Variants in BLOC1S5 observed in about 807,000 individuals in gnomAD.
The protein encoded by BLOC1S5 is biogenesis of lysosome-related organelles complex 1 subunit 5.
Under a neutral mutation model 24.3 loss-of-function variants are expected in BLOC1S5, and 27 were observed. The observed-to-expected ratio is 1.11, with a 90% CI of 0.82 to 1.53. The LOEUF (loss-of-function observed/expected upper bound fraction) is 1.53. Among genes scored for constraint, BLOC1S5 ranks in the 40% most tolerant of loss-of-function variants. BLOC1S5 has a pLI of 0.00. For missense variants in BLOC1S5, 239 were observed against 229.4 expected (o/e 1.04, Z -0.27); for synonymous variants, 84 against 74.5 (o/e 1.13, Z -0.66).
rs373432019 is a variant in BLOC1S5, at chr6:8,034,801, GA to G, written c.325+6337del. On this transcript the variant is annotated intron_variant, in intron 3 of 4. Coordinates refer to ENST00000397457, the MANE Select transcript of BLOC1S5 (RefSeq NM_201280.3). Reference sequence around the variant, plus strand: ...AATCCCACTACTGGGTATCTACCCAGAGGAAAAGAAGTCATTATATGAAAAA... The same window carrying G: ...AATCCCACTACTGGGTATCTACCCAGGGAAAAGAAGTCATTATATGAAAAA... Among the ~76,000 whole-genome samples, 9 of 152,220 alleles carry G rather than the reference GA, an allele frequency of 5.9e-5. No individual in the cohort carries two copies. In the South Asian group the frequency reaches 1.9e-3, roughly 32 times the overall value.
chr6:8,045,164 A>G (rs1763836705), intron 2 of BLOC1S5, among the ~76,000 whole-genome samples: 1 of 152,218 alleles, frequency 6.6e-6, no homozygotes, highest in African/African-American at 2.4e-5. Context: ...CCCATGTCCC[A>G]GCCACTCCAG....
chr6:8,059,896 T>C (rs975713225), intron 2 of BLOC1S5, among the ~76,000 whole-genome samples: 3 of 152,246 alleles, frequency 2.0e-5, no homozygotes, highest in Non-Finnish European at 4.4e-5. Flanking sequence ...AAGACCATTC[T>C]TCAAAGCACC....
At position 8,015,528 on chromosome 6, in the gene BLOC1S5, TAA is replaced by T. The variant is rs1376620516; in HGVS notation, c.*119_*120del. 2.0e-6 allele frequency: 2 copies of T among 993,370 alleles called. No homozygotes were observed. The highest frequency in any genetic ancestry group is 1.6e-5 in the African/African-American group (1 of 61,320). 61.5% of individuals were successfully genotyped at this position (993,370 alleles called of 1,614,324 possible). A position where few individuals can be genotyped will look rare whatever the true frequency, so the allele number is the denominator to read the frequency against. ...CAGTAGAAACTTCTTTCTTCTGATA[TAA>T]GAGTGCCACTGAATATATTGCTAAG... is the stretch of plus-strand genomic sequence containing the variant. On this transcript the variant is annotated 3_prime_UTR_variant, in exon 5 of 5. Coordinates refer to ENST00000397457, the MANE Select transcript of BLOC1S5 (RefSeq NM_201280.3).
intron 2 of BLOC1S5, among the ~76,000 whole-genome samples, chr6:8,049,181 G>C (rs2113583477): frequency 6.6e-6 from 1 of 151,920 alleles, no homozygotes; most frequent in Middle Eastern, 3.4e-3. Context: ...GACCAGCCTG[G>C]CCAACATGGT....
intron 3 of BLOC1S5, among the ~76,000 whole-genome samples, chr6:8,027,555 C>T (rs7740340): frequency 0.039 from 5,960 of 152,212 alleles, 371 homozygotes; most frequent in African/African-American, 0.13. Flanking sequence ...GCAGTCAGGC[C>T]GGGCACGGTG....
At position 8,049,798 on chromosome 6, in the gene BLOC1S5, G is replaced by A. The variant is rs569417055; in HGVS notation, c.196-8530C>T. ...GTGATTCTGGCTCATTGCAACCTCCGCTTCCTGGGCTCAAGCGATCCTCCC... is the reference window on the plus strand; with the variant it reads ...GTGATTCTGGCTCATTGCAACCTCCACTTCCTGGGCTCAAGCGATCCTCCC... On this transcript the variant is annotated intron_variant, in intron 2 of 4. Coordinates refer to ENST00000397457, the MANE Select transcript of BLOC1S5 (RefSeq NM_201280.3). Among the ~76,000 whole-genome samples, 15 of 151,680 alleles carry A rather than the reference G, an allele frequency of 9.9e-5. No homozygotes were observed. In the East Asian group the frequency reaches 1.6e-3, roughly 16 times the overall value.
chr6:8,063,721 G>A (rs1757339731), intron 1 of BLOC1S5, among the ~76,000 whole-genome samples: 1 of 152,166 alleles, frequency 6.6e-6, no homozygotes, highest in Admixed American at 6.5e-5. Flanking sequence ...AGCAGATTCT[G>A]TGAGAATCTA....
In BLOC1S5 at chr6:8,026,403, G is replaced by A. The variant is rs1345888547; in HGVS notation, c.348C>T (p.Val116=). ...LQRLQAANDS[V]CRLQQREQER... is the part of the protein sequence containing the mutation. ...CCTGTTCCCTCTGTTGGAGTCTACA[G>A]ACTGAGTCATTAGCTGCTTGCACTG... Residue 116 remains valine, a synonymous_variant, in exon 4 of 5, where the codon GTC becomes GTT. Coordinates refer to ENST00000397457, the MANE Select transcript of BLOC1S5 (RefSeq NM_201280.3). 1 of 1,613,354 alleles carries A rather than the reference G, an allele frequency of 6.2e-7. No homozygotes were observed. The highest frequency in any genetic ancestry group is 8.5e-7 in the Non-Finnish European group (1 of 1,179,742).
chr6:8,027,855 A>G (rs1763162958), intron 3 of BLOC1S5, among the ~76,000 whole-genome samples: 1 of 152,094 alleles, frequency 6.6e-6, no homozygotes, highest in Admixed American at 6.5e-5. Context: ...TAAGCAATCA[A>G]GAACTGCTCA....
At chr6:8,039,910 T>C (rs1763620342) in intron 3 of BLOC1S5, among the ~76,000 whole-genome samples, 1 of 152,222 alleles carries the variant, frequency 6.6e-6, no homozygotes, top group Non-Finnish European at 1.5e-5. Flanking sequence ...GGCGTGATTC[T>C]GTATAAGCTC....
chr6:8,015,471 G>T lies in BLOC1S5; in HGVS notation c.*178C>A. 1 of 591,270 alleles carries T rather than the reference G, an allele frequency of 1.7e-6. No individual in the cohort carries two copies. The highest frequency in any genetic ancestry group is 2.8e-6 in the Non-Finnish European group (1 of 354,356). The allele number at this position is 591,270 out of a possible 1,614,324, so 36.6% of individuals were successfully genotyped here. A position where few individuals can be genotyped will look rare whatever the true frequency, so the allele number is the denominator to read the frequency against. ...TAGGCACTTAAAGCTGGAAAAATGTGGCACCCTTCTTTAAATATCCAATCA... is the reference window on the plus strand; with the variant it reads ...TAGGCACTTAAAGCTGGAAAAATGTTGCACCCTTCTTTAAATATCCAATCA... On this transcript the variant is annotated 3_prime_UTR_variant, in exon 5 of 5. Transcript: ENST00000397457.
intron 2 of BLOC1S5, among the ~76,000 whole-genome samples, chr6:8,058,704 A>C (rs115190737): frequency 1.3e-5 from 2 of 152,200 alleles, no homozygotes; most frequent in East Asian, 1.9e-4. Flanking sequence ...CAAAACAAAA[A>C]AAATGCCACC....
At chr6:8,049,956 C>T (rs1293216743) in intron 2 of BLOC1S5, among the ~76,000 whole-genome samples, 1 of 152,158 alleles carries the variant, frequency 6.6e-6, no homozygotes, top group Non-Finnish European at 1.5e-5. Context: ...AAGCGATCCA[C>T]CCACCTCAGC....
chr6:8,019,690 C>T (rs1935417991), intron 4 of BLOC1S5, among the ~76,000 whole-genome samples: 2 of 151,386 alleles, frequency 1.3e-5, no homozygotes, highest in South Asian at 4.2e-4. Flanking sequence ...CTGGAAATAA[C>T]ATTTATCTGA....
intron 4 of BLOC1S5, among the ~76,000 whole-genome samples, chr6:8,025,763 TTAA>T (rs1028319944): frequency 6.6e-6 from 1 of 152,190 alleles, no homozygotes; most frequent in African/African-American, 2.4e-5. Context: ...TCAATGTTTC[TTAA>T]TAAGTGTAAG....
At chr6:8,021,571 C>A (rs2113516839) in intron 4 of BLOC1S5, among the ~76,000 whole-genome samples, 1 of 152,054 alleles carries the variant, frequency 6.6e-6, no homozygotes, top group South Asian at 2.1e-4. Context: ...TGCACTCCAC[C>A]CTGGGTGACA....
At chr6:8,044,791 G>A (rs942179541) in intron 2 of BLOC1S5, among the ~76,000 whole-genome samples, 29 of 152,204 alleles carry the variant, frequency 1.9e-4, no homozygotes, top group African/African-American at 7.0e-4. Flanking sequence ...AGATCATTGA[G>A]AGTATCTGGT....
intron 2 of BLOC1S5, among the ~76,000 whole-genome samples, chr6:8,059,711 C>T (rs1764450041): frequency 6.6e-6 from 1 of 152,180 alleles, no homozygotes; most frequent in Non-Finnish European, 1.5e-5. Context: ...GGCATTTGAG[C>T]CTGAAGTTGT....
chr6:8,041,311 C>CT, intron 2 of BLOC1S5, 43 bp from the exon 3 acceptor site: 6 of 771,494 alleles, frequency 7.8e-6, no homozygotes, highest in Admixed American at 6.0e-5. Flanking sequence ...GGTGTCTTTT[C>CT]CTTTTTTTTT....
Sources: gnomAD v4.1 joint callset for allele counts (sites outside exome capture counted in the v4.1 genomes callset) on GRCh38, gnomAD v4.1.1 for gene constraint, MANE v1.5 for transcripts, NCBI Gene and HGNC (gene_info 2026-07-23, HGNC 2026-07-21) for gene names.